Variants in COL11A1 observed in about 807,000 individuals in gnomAD.
The protein encoded by COL11A1 is collagen type XI alpha 1 chain.
In COL11A1, 74 loss-of-function variants were observed where a neutral mutation model predicts 265.2. That is an observed-to-expected ratio of 0.28 (90% CI 0.23 to 0.34). COL11A1 has a LOEUF of 0.34. Among genes scored for constraint, COL11A1 ranks in the 10% least tolerant of loss-of-function variants. The probability of loss-of-function intolerance (pLI) is 1.00; values close to 1 mark genes in which losing one functional copy is unlikely to be tolerated. For missense variants in COL11A1, 2,165 were observed against 2,263.6 expected, an observed-to-expected ratio of 0.96 and a Z score of 0.88; for synonymous variants, 816 against 727.6, an observed-to-expected ratio of 1.12 and a Z score of -1.96.
intron 49 of COL11A1, 80 bp downstream of exon 49, chr1:102,920,231 G>T: frequency 2.4e-6 from 3 of 1,234,824 alleles, no homozygotes; most frequent in Non-Finnish European, 3.6e-6. Flanking sequence ...ACACATACTA[G>T]AAGCACTTAA....
rs566273399 is a variant in COL11A1 at position 103,105,496 on chromosome 1, T to C, written c.106+2577A>G. ...CATTCACTTCCAAGAAATTTCTCTATATTATTTTCTTTAGAGTCTAACTTT... is the reference window on the plus strand; with the variant it reads ...CATTCACTTCCAAGAAATTTCTCTACATTATTTTCTTTAGAGTCTAACTTT... On this transcript the variant is annotated intron_variant, in intron 1 of 66. Coordinates refer to ENST00000370096, the MANE Select transcript of COL11A1 (RefSeq NM_001854.4). 5.3e-5 allele frequency among the ~76,000 whole-genome samples: 8 copies of C among 152,224 alleles called. No homozygotes were observed. The South Asian group carries it at 1.7e-3, about 32-fold the overall frequency.
chr1:103,042,318 A>T (rs903908694), intron 4 of COL11A1, among the ~76,000 whole-genome samples: 2 of 152,162 alleles, frequency 1.3e-5, no homozygotes, highest in African/African-American at 2.4e-5. Context: ...AATTATGAAG[A>T]TATAAGAAAT....
chr1:102,921,725 C>T (rs1420413854), intron 47 of COL11A1, among the ~76,000 whole-genome samples, 154 bp from the exon 48 acceptor site: 1 of 152,100 alleles, frequency 6.6e-6, no homozygotes, highest in South Asian at 2.1e-4. Flanking sequence ...TTCATGGATA[C>T]AACATCATGT....
At chr1:102,923,692 C>T (rs7539682) in intron 46 of COL11A1, among the ~76,000 whole-genome samples, 6 of 151,882 alleles carry the variant, frequency 4.0e-5, no homozygotes, top group Admixed American at 3.3e-4. Flanking sequence ...TGCTCAGTCC[C>T]GTACAAATAA....
In COL11A1 at chr1:103,006,088, G is replaced by T. The variant is rs1259922538; in HGVS notation, c.1771C>A (p.Pro591Thr). 1.9e-6 allele frequency: 3 copies of T among 1,613,764 alleles called. 1 individual carries two copies. In the Admixed American group the frequency reaches 5.0e-5, roughly 27 times the overall value. ...RPGADGGRGMPGEPGAKGDRG... is the reference protein window; with the variant it reads ...RPGADGGRGMTGEPGAKGDRG... ...CTGACCTTTGCCCCAGGTTCTCCTG[G>T]CATTCCTCTTCCTCCATCTGCACCT... Residue 591 changes from proline to threonine, a missense_variant, in exon 17 of 67, where the codon CCA (proline) becomes ACA (threonine). Transcript: ENST00000370096.
chr1:102,904,242 T>A (rs1463246613), intron 54 of COL11A1, among the ~76,000 whole-genome samples: 1 of 152,154 alleles, frequency 6.6e-6, no homozygotes, highest in African/African-American at 2.4e-5. Flanking sequence ...ATTAAAGACT[T>A]AAATGTTAGA....
At chr1:102,960,584 G>T (rs867286299) in intron 41 of COL11A1, among the ~76,000 whole-genome samples, 1 of 152,010 alleles carries the variant, frequency 6.6e-6, no homozygotes, top group Non-Finnish European at 1.5e-5. Flanking sequence ...TTATGGTTGG[G>T]TAGGATCTTT....
At position 102,887,538 on chromosome 1, in the gene COL11A1, T is replaced by A. The variant is rs929930955; in HGVS notation, c.4609-482A>T. Reference sequence around the variant, plus strand: ...CACATTAGTTTGCTTCAAATATGTGTGACTTAAATCATTATAAATTAACAA... The same window carrying A: ...CACATTAGTTTGCTTCAAATATGTGAGACTTAAATCATTATAAATTAACAA... On this transcript the variant is annotated intron_variant, in intron 62 of 66. Coordinates refer to ENST00000370096, the MANE Select transcript of COL11A1 (RefSeq NM_001854.4). Among the ~76,000 whole-genome samples, 5 of 152,172 alleles carry A rather than the reference T, an allele frequency of 3.3e-5. No homozygotes were observed. In the South Asian group the frequency reaches 1.0e-3, roughly 31 times the overall value.
intron 1 of COL11A1, among the ~76,000 whole-genome samples, chr1:103,103,600 A>G (rs1163040951): frequency 6.6e-6 from 1 of 152,000 alleles, no homozygotes; most frequent in Non-Finnish European, 1.5e-5. Context: ...CACTATATCT[A>G]CCTTCTCACT....
chr1:102,997,251 C>T (rs115157724), intron 25 of COL11A1, 127 bp from the exon 26 acceptor site: 1 of 897,402 alleles, frequency 1.1e-6, no homozygotes, highest in African/African-American at 1.7e-5. Context: ...ACATTGAACA[C>T]TTTTGCATCA....
Position 102,913,641 on chromosome 1 carries a change from T to A in COL11A1, c.4028A>T (p.Gln1343Leu). ...TAAATTAGTGCATTTACTCACCGGT[T>A]GACCAGGATCTCCATCTTCACCCTT... ...GDKGEDGDPGQPGPPGPSGEA... is the reference protein window; with the variant it reads ...GDKGEDGDPGLPGPPGPSGEA... Residue 1343 changes from glutamine (Q) to leucine (L), a missense_variant, in exon 53 of 67, where the codon CAA (glutamine) becomes CTA (leucine). Gln to Leu is a moderately radical substitution (Grantham distance 113, BLOSUM62 -2). Coordinates refer to ENST00000370096, the MANE Select transcript of COL11A1 (RefSeq NM_001854.4). 6.2e-7 allele frequency: 1 copy of A among 1,613,440 alleles called. No homozygotes were observed. The highest frequency in any genetic ancestry group is 1.3e-5 in the African/African-American group (1 of 75,022).
At chr1:102,883,535 T>C (rs188634995) in intron 63 of COL11A1, among the ~76,000 whole-genome samples, 1 of 152,314 alleles carries the variant, frequency 6.6e-6, no homozygotes, top group East Asian at 1.9e-4. Flanking sequence ...CTACCTGGAA[T>C]ACCTTTTTAA....
rs1216535901 is a variant in COL11A1 at position 102,914,496 on chromosome 1, G to A, written c.3925-91C>T. 1.3e-5 allele frequency: 16 copies of A among 1,237,946 alleles called. No homozygotes were observed. In the Admixed American group the frequency reaches 3.1e-4, roughly 24 times the overall value. The allele number at this position is 1,237,946 out of a possible 1,614,324, so 76.7% of individuals were successfully genotyped here. ...CTGGAGGTGAAGAGGTTAAAGTCAT[G>A]ACAAAACCTGCTGAGAATATTTCTC... On this transcript the variant is annotated intron_variant, in intron 51 of 66. Coordinates refer to ENST00000370096, the MANE Select transcript of COL11A1 (RefSeq NM_001854.4).
intron 11 of COL11A1, 86 bp downstream of exon 11, chr1:103,017,734 A>G (rs1666678794): frequency 8.5e-7 from 1 of 1,175,174 alleles, no homozygotes. Context: ...GCAGTAAGAT[A>G]ACATGTTATA....
At chr1:102,896,809 C>T (rs1676494) in intron 57 of COL11A1, among the ~76,000 whole-genome samples, 13,384 of 152,020 alleles carry the variant, frequency 0.088, 709 homozygotes, top group Middle Eastern at 0.16. Context: ...AAATATTTAC[C>T]GGAAAATCTG....
intron 1 of COL11A1, among the ~76,000 whole-genome samples, chr1:103,093,319 A>G (rs1272102542): frequency 1.3e-5 from 2 of 152,082 alleles, no homozygotes; most frequent in African/African-American, 4.8e-5. Flanking sequence ...CAGGAGAAGC[A>G]CCTTTCGTTG....
Position 103,002,352 on chromosome 1 carries a change from A to T in COL11A1, c.2097+76T>A. 1.2e-5 allele frequency: 15 copies of T among 1,225,688 alleles called. No individual in the cohort carries two copies. In the South Asian group the frequency reaches 1.9e-4, roughly 16 times the overall value. 75.9% of individuals were successfully genotyped at this position (1,225,688 alleles called of 1,614,324 possible). A position where few individuals can be genotyped will look rare whatever the true frequency, so the allele number is the denominator to read the frequency against. On this transcript the variant is annotated intron_variant, in intron 23 of 66. Transcript: ENST00000370096. ...TGCTAGGACTACATAGAAAATTGTGAGACTGTCGATTTTCTTATAGAAAGA... is the reference window on the plus strand; with the variant it reads ...TGCTAGGACTACATAGAAAATTGTGTGACTGTCGATTTTCTTATAGAAAGA...
At chr1:102,940,521 A>T in intron 42 of COL11A1, 87 bp from the exon 43 acceptor site, 1 of 953,040 alleles carries the variant, frequency 1.0e-6, no homozygotes, top group Non-Finnish European at 1.6e-6. Context: ...TTTGACAAGG[A>T]TATTGTTTAA....
At position 103,063,845 on chromosome 1, in the gene COL11A1, T is replaced by C. The variant is rs145998571; in HGVS notation, c.651+10773A>G. ...ACTGTTATCCAAAACATACAAAAAG[T>C]TCAATATTCAACAATAAAAAAGCTA... On this transcript the variant is annotated intron_variant, in intron 4 of 66. Transcript: ENST00000370096. Among the ~76,000 whole-genome samples the C allele has an allele frequency of 5.4e-3, 820 of 152,174 alleles. 11 individuals carry two copies. The highest frequency in any genetic ancestry group is 0.019 in the African/African-American group (774 of 41,512).
Sources: gnomAD v4.1 joint callset for allele counts (sites outside exome capture counted in the v4.1 genomes callset) on GRCh38, gnomAD v4.1.1 for gene constraint, MANE v1.5 for transcripts, NCBI Gene and HGNC (gene_info 2026-07-23, HGNC 2026-07-21) for gene names.